AOPEP: variants seen among roughly 807,000 people sequenced by gnomAD.
AOPEP encodes the protein aminopeptidase O (putative), also known as aminopeptidase O.
A neutral mutation model predicts 98.1 loss-of-function variants in AOPEP; 77 were observed. That is an observed-to-expected ratio of 0.78 (90% CI 0.65 to 0.95). AOPEP has a LOEUF of 0.95. AOPEP is among the 40% of genes least tolerant of loss of function. The pLI, the probability that AOPEP is intolerant of heterozygous loss-of-function variation, is 0.00. For synonymous variants in AOPEP, 346 were observed against 365.3 expected (o/e 0.95, Z 0.60); for missense variants, 1,024 against 1,024.7 (o/e 1.00, Z 0.01).
At chr9:94,928,042 G>A (rs2054630793) in intron 6 of AOPEP, among the ~76,000 whole-genome samples, 1 of 152,206 alleles carries the variant, frequency 6.6e-6, no homozygotes, top group Non-Finnish European at 1.5e-5. Context: ...GGGAAAATCG[G>A]AGGTGAACGG....
chr9:95,050,590 C>T (rs1440184944), intron 13 of AOPEP, among the ~76,000 whole-genome samples: 2 of 152,150 alleles, frequency 1.3e-5, no homozygotes, highest in Non-Finnish European at 2.9e-5. Context: ...CATTATTTTT[C>T]CAGCAATCCT....
chr9:94,937,022 T>A (rs969328974), intron 7 of AOPEP, among the ~76,000 whole-genome samples: 1 of 151,926 alleles, frequency 6.6e-6, no homozygotes, highest in African/African-American at 2.4e-5. Flanking sequence ...CTTTGGGGGG[T>A]TTATGGAGGC....
intron 3 of AOPEP, among the ~76,000 whole-genome samples, chr9:94,791,788 A>G (rs1845781149): frequency 6.6e-6 from 1 of 152,158 alleles, no homozygotes; most frequent in Admixed American, 6.5e-5. Flanking sequence ...CAGTTTATCC[A>G]AGTTTGTTAT....
the AOPEP span, chr9:95,150,117 A>T: frequency 6.2e-7 from 1 of 1,612,628 alleles, no homozygotes; most frequent in Non-Finnish European, 8.5e-7. Context: ...TAATCACTCA[A>T]ATCTAAGAGC....
chr9:95,053,043 CCCTGGTTTCCAGTTG>C (rs2066519137), intron 13 of AOPEP, among the ~76,000 whole-genome samples: 1 of 151,956 alleles, frequency 6.6e-6, no homozygotes, highest in South Asian at 2.1e-4. Flanking sequence ...TTAGAGAAAC[CCCTGGTTTCCAGTTG>C]CCTGGTTCAG....
intron 5 of AOPEP, among the ~76,000 whole-genome samples, chr9:94,839,866 C>T (rs2042079244): frequency 6.6e-6 from 1 of 151,916 alleles, no homozygotes; most frequent in Non-Finnish European, 1.5e-5. Context: ...CCTCCTGGGC[C>T]CCATTGATCC....
intron 7 of AOPEP, among the ~76,000 whole-genome samples, chr9:94,943,906 T>G (rs1225010698): frequency 1.8e-5 from 2 of 111,360 alleles, no homozygotes; most frequent in African/African-American, 7.3e-5. Flanking sequence ...GGCAACAGAG[T>G]GAGACTCCAT....
intron 5 of AOPEP, among the ~76,000 whole-genome samples, chr9:94,874,116 T>G (rs755761624): frequency 6.6e-6 from 1 of 152,180 alleles, no homozygotes; most frequent in African/African-American, 2.4e-5. Context: ...AAAATGTGAT[T>G]AGAAATTTTT....
intron 10 of AOPEP, among the ~76,000 whole-genome samples, chr9:94,976,030 C>G (rs1248255719): frequency 6.6e-6 from 1 of 152,228 alleles, no homozygotes; most frequent in African/African-American, 2.4e-5. Flanking sequence ...TAGGAAGCCT[C>G]TCCTGATGCA....
chr9:95,108,888 A>C, the AOPEP span, among the ~76,000 whole-genome samples: 7 of 150,736 alleles, frequency 4.6e-5, no homozygotes, highest in African/African-American at 1.7e-4. Flanking sequence ...CACTGTATCT[A>C]TAGAACATGC....
At chr9:95,058,227 G>A (rs2067002719) in intron 13 of AOPEP, among the ~76,000 whole-genome samples, 1 of 152,130 alleles carries the variant, frequency 6.6e-6, no homozygotes, top group South Asian at 2.1e-4. Flanking sequence ...AACCTAGTTG[G>A]GGTTAAGTTG....
intron 5 of AOPEP, among the ~76,000 whole-genome samples, chr9:94,919,452 G>A (rs1014993847): frequency 3.3e-5 from 5 of 152,140 alleles, no homozygotes; most frequent in African/African-American, 1.2e-4. Context: ...AGGGAAGGAG[G>A]GTCCTGCCAG....
rs140444920 is a variant in AOPEP at position 95,072,607 on chromosome 9, T to C, written c.2233-8087T>C. On this transcript the variant is annotated intron_variant, in intron 14 of 16. Transcript: ENST00000375315. ...ATGATCATGCCATTGCACTCCAGACTGAGCGACAGAGTGAGACTCTGTCTT... is the reference window on the plus strand; with the variant it reads ...ATGATCATGCCATTGCACTCCAGACCGAGCGACAGAGTGAGACTCTGTCTT... Among the ~76,000 whole-genome samples, 578 of 152,266 alleles carry C rather than the reference T, an allele frequency of 3.8e-3. 17 individuals carry two copies. The East Asian group carries it at 0.052, about 14-fold the overall frequency.
At chr9:95,130,184 C>A in the AOPEP span, among the ~76,000 whole-genome samples, 1 of 152,032 alleles carries the variant, frequency 6.6e-6, no homozygotes, top group Non-Finnish European at 1.5e-5. Context: ...ACCAACTCAC[C>A]AATGATTATT....
chr9:95,114,383 G>A, the AOPEP span: 11 of 554,626 alleles, frequency 2.0e-5, no homozygotes, highest in African/African-American at 1.5e-4. Flanking sequence ...AGACGTTAAT[G>A]TAGAAAACAT....
rs1014968136 is a variant in AOPEP, at chr9:94,870,075, G to A, written c.1365-53911G>A. 2.9e-5 allele frequency among the ~76,000 whole-genome samples: 4 copies of A among 139,326 alleles called. No individual in the cohort carries two copies. In the East Asian group the frequency reaches 8.7e-4, roughly 30 times the overall value. The allele number at this position is 139,326 out of a possible 152,430, so 91.4% of individuals were successfully genotyped here. On this transcript the variant is annotated intron_variant, in intron 5 of 16. Coordinates refer to ENST00000375315, the MANE Select transcript of AOPEP (RefSeq NM_001193329.3). ...GCGATCTCGGCTCACTGCAACCTCC[G>A]CCTCCTGGGTTCAAGCGATTCTCCT...
At chr9:95,060,538 G>A (rs1229435439) in intron 13 of AOPEP, among the ~76,000 whole-genome samples, 156 bp from the exon 14 acceptor site, 1 of 152,232 alleles carries the variant, frequency 6.6e-6, no homozygotes, top group Non-Finnish European at 1.5e-5. Flanking sequence ...AGGCCCTGAG[G>A]AATTACAAAA....
the AOPEP span, among the ~76,000 whole-genome samples, chr9:95,110,007 A>G: frequency 6.6e-6 from 1 of 152,228 alleles, no homozygotes; most frequent in Admixed American, 6.5e-5. Context: ...AGTCACCAAC[A>G]TGAGCACTGG....
At chr9:94,826,529 A>C (rs1318449764) in intron 5 of AOPEP, among the ~76,000 whole-genome samples, 1 of 152,206 alleles carries the variant, frequency 6.6e-6, no homozygotes, top group African/African-American at 2.4e-5. Flanking sequence ...TGCAGTAAGT[A>C]GCTTTAGGTG....
Sources: allele counts gnomAD v4.1 joint callset (sites outside exome capture counted in the v4.1 genomes callset), GRCh38; gene constraint gnomAD v4.1.1; transcripts MANE v1.5; gene names NCBI Gene and HGNC (gene_info 2026-07-23, HGNC 2026-07-21).